The following USP54 variants were observed in gnomAD, a reference collection of about 807,000 sequenced individuals.
USP54 encodes the protein ubiquitin specific peptidase 54.
Under a neutral mutation model 170.5 loss-of-function variants are expected in USP54, and 87 were observed. The ratio of observed to expected loss-of-function variants is 0.51; its 90% confidence interval spans 0.43 to 0.61. The LOEUF (loss-of-function observed/expected upper bound fraction) is 0.61. USP54 is among the 20% of genes least tolerant of loss of function. USP54 has a pLI of 0.00. For missense variants in USP54, 1,786 were observed against 2,047.8 expected (o/e 0.87, Z 2.47); for synonymous variants, 655 against 742.8 (o/e 0.88, Z 1.92).
intron 22 of USP54, among the ~76,000 whole-genome samples, 153 bp from the exon 23 acceptor site, chr10:73,500,991 A>T (rs1390433919): frequency 6.6e-6 from 1 of 152,050 alleles, no homozygotes; most frequent in Non-Finnish European, 1.5e-5. Flanking sequence ...GACCCAATTT[A>T]CTCAGTTGCT....
intron 1 of USP54, among the ~76,000 whole-genome samples, chr10:73,624,924 A>C (rs1281063323): frequency 6.6e-6 from 1 of 152,226 alleles, no homozygotes; most frequent in Non-Finnish European, 1.5e-5. Context: ...TTTTACATCC[A>C]AATAACTAAA....
chr10:73,583,148 C>G (rs2077082584), intron 1 of USP54, among the ~76,000 whole-genome samples: 1 of 152,032 alleles, frequency 6.6e-6, no homozygotes, highest in South Asian at 2.1e-4. Flanking sequence ...CAAAGAAAGA[C>G]TAAGAAACTT....
At chr10:73,564,901 C>CAAA (rs199823108) in intron 4 of USP54, among the ~76,000 whole-genome samples, 7 of 66,406 alleles carry the variant, frequency 1.1e-4, no homozygotes, top group Admixed American at 8.9e-4. Flanking sequence ...TCATCTCTAC[C>CAAA]AAAAAAAAAA....
At chr10:73,603,993 G>A (rs1248049571) in intron 1 of USP54, among the ~76,000 whole-genome samples, 6 of 152,012 alleles carry the variant, frequency 3.9e-5, no homozygotes, top group Admixed American at 3.9e-4. Context: ...GCTCACACCT[G>A]TAATCCCAGC....
At chr10:73,554,341 C>T (rs749053223) in intron 4 of USP54, among the ~76,000 whole-genome samples, 4 of 152,166 alleles carry the variant, frequency 2.6e-5, no homozygotes, top group Non-Finnish European at 5.9e-5. Context: ...CCTGGACTTC[C>T]CAATTTTGGC....
intron 1 of USP54, among the ~76,000 whole-genome samples, chr10:73,585,005 C>T (rs1477673581): frequency 6.6e-6 from 1 of 152,188 alleles, no homozygotes; most frequent in African/African-American, 2.4e-5. Context: ...AAAACACATT[C>T]CACACCATGT....
At chr10:73,562,683 C>T (rs183424043) in intron 4 of USP54, among the ~76,000 whole-genome samples, 1 of 152,090 alleles carries the variant, frequency 6.6e-6, no homozygotes, top group African/African-American at 2.4e-5. Flanking sequence ...ATTTTTAAAT[C>T]CACTCTAGTG....
At chr10:73,502,459 C>T (rs2058331963) in intron 22 of USP54, among the ~76,000 whole-genome samples, 1 of 152,178 alleles carries the variant, frequency 6.6e-6, no homozygotes. Context: ...ACTACAGGCA[C>T]CCGCCACCGC....
At chr10:73,573,752 G>A (rs190571659) in intron 3 of USP54, among the ~76,000 whole-genome samples, 2 of 152,280 alleles carry the variant, frequency 1.3e-5, no homozygotes, top group Admixed American at 1.3e-4. Flanking sequence ...GCGACAGAGT[G>A]AGACTCTGTC....
rs1017146865 is a variant in USP54 at position 73,523,534 on chromosome 10, C to A, written c.2362+49G>T. On this transcript the variant is annotated intron_variant, in intron 17 of 23. Transcript: ENST00000687698. ...TACAAGCTTAGATGTTTTTTTCTAC[C>A]CTTTCTGTCTGTCCCCATCACCCAC... is the stretch of plus-strand genomic sequence containing the variant. The A allele has an allele frequency of 4.1e-6, 6 of 1,470,894 alleles. No homozygotes were observed. The Admixed American group carries it at 1.1e-4, about 26-fold the overall frequency. 91.1% of individuals were successfully genotyped at this position (1,470,894 alleles called of 1,614,324 possible). A position where few individuals can be genotyped will look rare whatever the true frequency, so the allele number is the denominator to read the frequency against.
intron 3 of USP54, among the ~76,000 whole-genome samples, chr10:73,573,433 A>G (rs913105627): frequency 2.0e-5 from 3 of 152,382 alleles, no homozygotes; most frequent in Admixed American, 2.0e-4. Context: ...TTGCCAGCAC[A>G]TAATTTTTTT....
Position 73,526,679 on chromosome 10 carries a change from A to G in USP54, c.2162T>C (p.Met721Thr). ...SILEVDSTAS[M>T]GGWTKSQPFS... ...AGGCTGACTCTTTGTCCAGCCACCC[A>G]TGGATGCTGTGGAGTCTACCTCCAG... The change falls in exon 16 of 24, where the codon ATG becomes ACG. Residue 721 changes from methionine (M) to threonine (T), a missense_variant. This residue lies in a region of USP54 where 1,418 missense variants were observed against 1,569.0 expected (regional missense o/e 0.90). Transcript: ENST00000687698. 2.5e-6 allele frequency: 4 copies of G among 1,614,156 alleles called. No individual in the cohort carries two copies. The highest frequency in any genetic ancestry group is 3.4e-6 in the Non-Finnish European group (4 of 1,180,008).
In USP54 at chr10:73,500,852, A is replaced by G. The variant is rs367720957; in HGVS notation, c.4312-14T>C. 167 of 1,589,026 alleles carry G rather than the reference A, an allele frequency of 1.1e-4. 8 individuals carry two copies. In the East Asian group the frequency reaches 1.5e-3, roughly 14 times the overall value. On this transcript the variant is annotated splice_polypyrimidine_tract_variant and intron_variant, in intron 22 of 23. Coordinates refer to ENST00000687698, the MANE Select transcript of USP54 (RefSeq NM_001391956.1). ...GTTTGATGAATCCTTATAATGAGAC[A>G]AGACAAAAAAACATAGAGATGAGGA...
chr10:73,499,124 G>A lies in USP54; in HGVS notation c.4560C>T (p.Ala1520=). The change falls in exon 24 of 24, where the codon GCC becomes GCT. Residue 1520 remains alanine (A), a synonymous_variant. Transcript: ENST00000687698. The stretch of plus-strand genomic sequence containing the variant: ...AGTTCAAAGTCCTTCCTGTGTACTT[G>A]GCCCCTTGGGAAGTTTCACCCCTGT... ...MCDRGETSQG[A]KYTGRTLNYQ... 6.2e-7 allele frequency: 1 copy of A among 1,613,988 alleles called. No homozygotes were observed. Among genetic ancestry groups the A allele is most frequent in the South Asian group, 1.1e-5 (1 of 91,072 alleles).
At chr10:73,545,402 G>A (rs1212075588) in intron 5 of USP54, 136 bp downstream of exon 5, 35 of 1,214,206 alleles carry the variant, frequency 2.9e-5, no homozygotes, top group Non-Finnish European at 3.9e-5. Flanking sequence ...TTAGATCCCT[G>A]AAAAATCAGA....
In USP54 at chr10:73,530,312, A is replaced by G. The variant is rs2133396832; in HGVS notation, c.1659T>C (p.Arg553=). 6.2e-7 allele frequency: 1 copy of G among 1,614,160 alleles called. No homozygotes were observed. The highest frequency in any genetic ancestry group is 2.2e-5 in the East Asian group (1 of 44,880). ...KPPRTLPLHS[R]DWEIESTSSE... ...TGCTGGTACTCTCTATTTCCCAGTC[A>G]CGAGAGTGTAAAGGCAGGGTCCTAG... The change falls in exon 14 of 24, where the codon CGT becomes CGC. Residue 553 remains arginine, a synonymous_variant. Transcript: ENST00000687698.
At chr10:73,543,602 G>A (rs1389386055) in intron 5 of USP54, among the ~76,000 whole-genome samples, 1 of 152,120 alleles carries the variant, frequency 6.6e-6, no homozygotes, top group Non-Finnish European at 1.5e-5. Flanking sequence ...TCCTGACCTC[G>A]TGATCCGCCC....
At chr10:73,624,390 G>GGGGA (rs1564975314) in intron 1 of USP54, 1 of 93,996 alleles carries the variant, frequency 1.1e-5, no homozygotes, top group East Asian at 3.4e-4. Flanking sequence ...AGTAGAGACG[G>GGGGA]GGGGGGGGGG....
chr10:73,573,629 T>G (rs1012669504), intron 3 of USP54, among the ~76,000 whole-genome samples: 2 of 152,082 alleles, frequency 1.3e-5, no homozygotes, highest in African/African-American at 4.8e-5. Context: ...CCCAGCGTGG[T>G]GGTGCACAGC....
Sources: allele counts gnomAD v4.1 joint callset (sites outside exome capture counted in the v4.1 genomes callset), GRCh38; gene constraint gnomAD v4.1.1; regional missense constraint gnomAD v4.1.1; transcripts MANE v1.5; gene names NCBI Gene and HGNC (gene_info 2026-07-23, HGNC 2026-07-21).